VIPR1: variants seen among roughly 807,000 people sequenced by gnomAD.
VIPR1 encodes vasoactive intestinal polypeptide receptor 1.
Under a neutral mutation model 58.8 loss-of-function variants are expected in VIPR1, and 59 were observed. The observed-to-expected ratio is 1.00, with a 90% CI of 0.81 to 1.25. VIPR1 has a LOEUF of 1.25. Ranked by LOEUF, VIPR1 falls within the 50% of genes most tolerant of loss-of-function variation. The pLI is 0.00. For synonymous variants in VIPR1, 251 were observed against 242.1 expected (o/e 1.04, Z -0.34); for missense variants, 626 against 602.7 (o/e 1.04, Z -0.40).
chr3:42,490,404 TG>T (rs1699644978), intron 1 of VIPR1, among the ~76,000 whole-genome samples: 1 of 152,188 alleles, frequency 6.6e-6, no homozygotes, highest in Non-Finnish European at 1.5e-5. Context: ...CAAGCACAGC[TG>T]GCAAGTGACT....
intron 10 of VIPR1, 81 bp downstream of exon 10, chr3:42,532,414 C>A: frequency 7.2e-7 from 1 of 1,397,152 alleles, no homozygotes; most frequent in Non-Finnish European, 1.0e-6. Context: ...TGAAGTCCTC[C>A]CACCCCAAAC....
chr3:42,493,812 G>A (rs1699709161), intron 1 of VIPR1, among the ~76,000 whole-genome samples: 1 of 152,242 alleles, frequency 6.6e-6, no homozygotes, highest in Non-Finnish European at 1.5e-5. Flanking sequence ...GTCCTCGTCA[G>A]AGAGGCACAG....
intron 1 of VIPR1, chr3:42,509,804 G>A (rs1348268251): frequency 6.6e-6 from 1 of 152,330 alleles, no homozygotes; most frequent in Non-Finnish European, 1.5e-5. Flanking sequence ...GGAGAATCCT[G>A]AGTCTAGTTG....
chr3:42,517,159 T>A (rs1218027294), intron 2 of VIPR1, among the ~76,000 whole-genome samples: 1 of 152,210 alleles, frequency 6.6e-6, no homozygotes, highest in African/African-American at 2.4e-5. Flanking sequence ...CAGCTATAGA[T>A]GTGGCCTGAC....
intron 1 of VIPR1, among the ~76,000 whole-genome samples, chr3:42,497,064 C>T (rs1039796367): frequency 6.6e-6 from 1 of 152,168 alleles, no homozygotes; most frequent in African/African-American, 2.4e-5. Flanking sequence ...ACAGTATCTC[C>T]CTTTTCCAGA....
At chr3:42,515,708 G>A (rs577671742) in intron 2 of VIPR1, among the ~76,000 whole-genome samples, 4 of 152,330 alleles carry the variant, frequency 2.6e-5, no homozygotes, top group Non-Finnish European at 4.4e-5. Flanking sequence ...CTAGGTATGC[G>A]CTCCTGGCCC....
At chr3:42,531,431 TGTGCCCTC>T (rs1701544443) in intron 7 of VIPR1, 32 bp from the exon 8 acceptor site, 1 of 1,553,910 alleles carries the variant, frequency 6.4e-7, no homozygotes, top group Non-Finnish European at 8.7e-7. Flanking sequence ...CCCTGCTTCC[TGTGCCCTC>T]TCTGCTCTTT....
chr3:42,513,521 G>T, intron 1 of VIPR1: 2 of 513,914 alleles, frequency 3.9e-6, no homozygotes, highest in Non-Finnish European at 7.0e-6. Context: ...CAGCACTAAT[G>T]GGGGAGCCAT....
intron 3 of VIPR1, among the ~76,000 whole-genome samples, chr3:42,522,127 TTTTA>T (rs1700976395): frequency 9.7e-6 from 1 of 103,494 alleles, no homozygotes; most frequent in African/African-American, 4.7e-5. Flanking sequence ...TTTTTTTTTT[TTTTA>T]GACAGCGTCT....
intron 1 of VIPR1, among the ~76,000 whole-genome samples, chr3:42,504,282 G>C (rs1393709746): frequency 6.6e-6 from 1 of 152,136 alleles, no homozygotes; most frequent in African/African-American, 2.4e-5. Flanking sequence ...CCCAGGGGCA[G>C]AGTGGATTCA....
At chr3:42,532,383 T>A (rs1437471221) in intron 10 of VIPR1, 50 bp downstream of exon 10, 1 of 1,554,238 alleles carries the variant, frequency 6.4e-7, no homozygotes, top group Non-Finnish European at 8.9e-7. Flanking sequence ...TCCCCAGTCC[T>A]CAAATCATCC....
intron 2 of VIPR1, among the ~76,000 whole-genome samples, 178 bp from the exon 3 acceptor site, chr3:42,519,045 C>T (rs1366931808): frequency 6.6e-6 from 1 of 152,242 alleles, no homozygotes; most frequent in Admixed American, 6.5e-5. Flanking sequence ...TCCTGCCTCC[C>T]TGTCAGGACA....
chr3:42,530,874 T>C lies in VIPR1; in HGVS notation c.732T>C (p.Leu244=), dbSNP rs1701503211. The C allele has an allele frequency of 6.2e-7, 1 of 1,613,988 alleles. No homozygotes were observed. ...AGGGCCTCTACCTGTACACCCTGCT[T>C]GCCGTCTCCTTCTTCTCTGAGCGGA... ...LVEGLYLYTL[L]AVSFFSERKY... The change falls in exon 7 of 13, where the codon CTT becomes CTC. Residue 244 remains leucine (L), a synonymous_variant. Transcript: ENST00000325123.
rs1577246196 is a variant in VIPR1 at position 42,528,110 on chromosome 3, G to A, written c.623G>A (p.Cys208Tyr). ...TTCGACAGCGGGGAGTCGGACCAGTGCTCCGAGGGCTCGGTGAGGATCCTG... is the reference window on the plus strand; with the variant it reads ...TTCGACAGCGGGGAGTCGGACCAGTACTCCGAGGGCTCGGTGAGGATCCTG... ...ALFDSGESDQ[C>Y]SEGSVGCKAA... Residue 208 changes from cysteine to tyrosine, a missense_variant, in exon 6 of 13, where the codon TGC becomes TAC. Coordinates refer to ENST00000325123, the MANE Select transcript of VIPR1 (RefSeq NM_004624.4). The A allele has an allele frequency of 1.2e-6, 2 of 1,613,562 alleles. No homozygotes were observed. The highest frequency in any genetic ancestry group is 2.7e-5 in the African/African-American group (2 of 75,010).
Position 42,535,021 on chromosome 3 carries a change from C to T in VIPR1, c.1057C>T (p.His353Tyr). The T allele has an allele frequency of 1.2e-6, 2 of 1,614,224 alleles. No homozygotes were observed. Among genetic ancestry groups the T allele is most frequent in the Non-Finnish European group, 1.7e-6 (2 of 1,180,032 alleles). Residue 353 changes from histidine to tyrosine, a missense_variant, in exon 11 of 13, where the codon CAC (histidine) becomes TAC (tyrosine). Transcript: ENST00000325123. The stretch of plus-strand genomic sequence containing the variant: ...CCTGCTGATCCCCCTGTTTGGAGTA[C>T]ACTACATCATGTTCGCCTTCTTTCC... ...TLLLIPLFGV[H>Y]YIMFAFFPDN...
intron 8 of VIPR1, 111 bp from the exon 9 acceptor site, chr3:42,531,692 C>T (rs951384449): frequency 2.4e-5 from 37 of 1,548,920 alleles, no homozygotes; most frequent in Non-Finnish European, 2.9e-5. Flanking sequence ...ACTCTGGGCC[C>T]GGGGTTGCTA....
At chr3:42,502,394 C>T (rs1559477561), upstream of VIPR1, among the ~76,000 whole-genome samples, 1 of 152,232 alleles carries the variant, frequency 6.6e-6, no homozygotes, top group Non-Finnish European at 1.5e-5. Context: ...TCTCGAGATT[C>T]CCGGGTGATG....
chr3:42,504,747 C>T (rs1340864371), intron 1 of VIPR1, among the ~76,000 whole-genome samples: 11 of 43,084 alleles, frequency 2.6e-4, no homozygotes, highest in Non-Finnish European at 4.4e-4. Context: ...TAGCCGGACT[C>T]GGTGTGACGG....
chr3:42,496,661 G>A (rs1699769449), intron 1 of VIPR1, among the ~76,000 whole-genome samples: 1 of 151,952 alleles, frequency 6.6e-6, no homozygotes, highest in African/African-American at 2.4e-5. Flanking sequence ...AAGACTGAGT[G>A]GTCTAACAAT....
Sources: gnomAD v4.1 joint callset for allele counts (sites outside exome capture counted in the v4.1 genomes callset) on GRCh38, gnomAD v4.1.1 for gene constraint, MANE v1.5 for transcripts, NCBI Gene and HGNC (gene_info 2026-07-23, HGNC 2026-07-21) for gene names.